The following LTA4H variants were observed in gnomAD, a reference collection of about 807,000 sequenced individuals.
LTA4H encodes the protein leukotriene A-4 hydrolase.
A neutral mutation model predicts 89.8 loss-of-function variants in LTA4H; 59 were observed. The observed-to-expected ratio is 0.66, with a 90% CI of 0.53 to 0.82. The LOEUF (loss-of-function observed/expected upper bound fraction) is 0.82, where lower values mean the gene tolerates loss of function less well. Among genes scored for constraint, LTA4H ranks in the 40% least tolerant of loss-of-function variants. LTA4H has a pLI of 0.00. For synonymous variants in LTA4H, 227 were observed against 253.1 expected (o/e 0.90, Z 0.98); for missense variants, 617 against 727.0 (o/e 0.85, Z 1.74).
intron 1 of LTA4H, among the ~76,000 whole-genome samples, chr12:96,042,592 T>C (rs542568456): frequency 6.6e-6 from 1 of 152,326 alleles, no homozygotes; most frequent in East Asian, 1.9e-4. Flanking sequence ...ACCTTAGTTA[T>C]AGACGGAAAG....
chr12:96,018,510 T>G (rs1359659783), intron 8 of LTA4H, among the ~76,000 whole-genome samples: 1 of 151,704 alleles, frequency 6.6e-6, no homozygotes, highest in Admixed American at 6.6e-5. Flanking sequence ...ATTGTGCCAC[T>G]GCACTCCAAC....
At chr12:96,035,100 G>T (rs1950622902) in intron 1 of LTA4H, among the ~76,000 whole-genome samples, 1 of 152,254 alleles carries the variant, frequency 6.6e-6, no homozygotes, top group Non-Finnish European at 1.5e-5. Context: ...CCAGGCGAGG[G>T]GCGGAGGAGA....
chr12:96,041,986 CTTTTT>C (rs145401712), intron 1 of LTA4H, among the ~76,000 whole-genome samples: 1 of 110,062 alleles, frequency 9.1e-6, no homozygotes, highest in Non-Finnish European at 1.8e-5. Context: ...GTTTTTTTTT[CTTTTT>C]TTTTTTTTTT....
intron 9 of LTA4H, 144 bp downstream of exon 9, chr12:96,017,413 A>G (rs1950394774): frequency 6.0e-6 from 4 of 669,616 alleles, no homozygotes; most frequent in Non-Finnish European, 1.0e-5. Flanking sequence ...TAAATCTATT[A>G]CATCTAATTG....
intron 1 of LTA4H, among the ~76,000 whole-genome samples, chr12:96,041,815 G>A (rs1380597954): frequency 6.6e-6 from 1 of 151,628 alleles, no homozygotes; most frequent in African/African-American, 2.4e-5. Context: ...CTAATTTTTT[G>A]TATTTCTAAT....
At chr12:96,025,609 T>C (rs1305988142) in intron 3 of LTA4H, among the ~76,000 whole-genome samples, 2 of 152,090 alleles carry the variant, frequency 1.3e-5, no homozygotes, top group East Asian at 3.9e-4. Context: ...GATGAGAGGA[T>C]TGCTTGAGCT....
exon 1 of LTA4H, chr12:96,043,342 C>T (rs1950703203): frequency 1.0e-5 from 16 of 1,535,442 alleles, no homozygotes; most frequent in Non-Finnish European, 1.4e-5. Context: ...ATGGTCGGTA[C>T]TTGTCTTTTA....
At chr12:96,036,309 C>A (rs1312208978), upstream of LTA4H, among the ~76,000 whole-genome samples, 26 of 152,116 alleles carry the variant, frequency 1.7e-4, no homozygotes, top group Admixed American at 1.7e-3. Context: ...GCTCTGGGGC[C>A]TTTGTGGCAG....
In LTA4H at chr12:96,022,587, T is replaced by A. The variant is rs1327561743; in HGVS notation, c.481-336A>T. On this transcript the variant is annotated intron_variant, in intron 4 of 18. Transcript: ENST00000228740. The surrounding 1 kb of genome is among the most constrained non-coding windows in gnomAD (Gnocchi z 4.0). ...TTTAAAAGTGAATGTGAAATTTCTA[T>A]CCATTCACCCATGCACATTAAGAGC... Among the ~76,000 whole-genome samples the A allele has an allele frequency of 1.3e-5, 2 of 152,132 alleles. No homozygotes were observed. The highest frequency in any genetic ancestry group is 2.9e-5 in the Non-Finnish European group (2 of 68,028).
chr12:96,003,585 T>C (rs1388062655), intron 17 of LTA4H: 2 of 275,274 alleles, frequency 7.3e-6, no homozygotes, highest in East Asian at 6.4e-5. Flanking sequence ...ACGGAATCCT[T>C]CATTCTAATT....
At chr12:96,011,032 C>A (rs368275073) in intron 14 of LTA4H, 1 of 152,082 alleles carries the variant, frequency 6.6e-6, no homozygotes, top group Admixed American at 6.6e-5. Context: ...CCCGGGCACA[C>A]GAATGATTCC....
intron 6 of LTA4H, among the ~76,000 whole-genome samples, chr12:96,020,272 T>C (rs1250203586): frequency 6.6e-6 from 1 of 152,126 alleles, no homozygotes; most frequent in African/African-American, 2.4e-5. Context: ...AATACTCTTA[T>C]ATAAGAAGAA....
intron 1 of LTA4H, among the ~76,000 whole-genome samples, chr12:96,042,023 A>G (rs1450486798): frequency 1.2e-5 from 1 of 82,520 alleles, no homozygotes; most frequent in South Asian, 3.3e-4. Flanking sequence ...TTGCTTTGTT[A>G]CCCAGGCTGA....
In LTA4H at chr12:96,000,950, A is replaced by T. The variant is rs759776998; in HGVS notation, c.*39T>A. ...TTATATTTCTTTACGAATTCCATTT[A>T]AAAAAGAGAAATCTCTAAAATCATC... is the stretch of plus-strand genomic sequence containing the variant. On this transcript the variant is annotated 3_prime_UTR_variant, in exon 19 of 19. Transcript: ENST00000228740. 4 of 1,337,676 alleles carry T rather than the reference A, an allele frequency of 3.0e-6. No homozygotes were observed. The Admixed American group carries it at 5.2e-5, about 18-fold the overall frequency. 82.9% of individuals were successfully genotyped at this position (1,337,676 alleles called of 1,614,324 possible). A position where few individuals can be genotyped will look rare whatever the true frequency, so the allele number is the denominator to read the frequency against.
rs1318138801 is a variant in LTA4H, at chr12:96,017,097, T to C, written c.894A>G (p.Ile298Met). ...KSLSNVIAHEISHSWTGNLVT... is the reference protein window; with the variant it reads ...KSLSNVIAHEMSHSWTGNLVT... The stretch of plus-strand genomic sequence containing the variant: ...CTAGATTCCCTGTCCAGCTATGAGA[T>C]ATTTCATGTGCAATGACCTAAAGAA... Residue 298 changes from isoleucine (I) to methionine (M), a missense_variant, in exon 10 of 19, where the codon ATA becomes ATG. This residue lies in a region of LTA4H where 172 missense variants were observed against 244.5 expected (regional missense o/e 0.70). Coordinates refer to ENST00000228740, the MANE Select transcript of LTA4H (RefSeq NM_000895.3). 1.2e-6 allele frequency: 2 copies of C among 1,611,066 alleles called. No individual in the cohort carries two copies. Among genetic ancestry groups the C allele is most frequent in the African/African-American group, 2.7e-5 (2 of 74,886 alleles).
At chr12:96,039,797 C>T (rs1305553194), upstream of LTA4H, among the ~76,000 whole-genome samples, 1 of 152,214 alleles carries the variant, frequency 6.6e-6, no homozygotes, top group Non-Finnish European at 1.5e-5. Context: ...TTGTTTTCTC[C>T]CCTTCCTTTA....
At chr12:96,011,184 A>G (rs1950295915) in intron 14 of LTA4H, 1 of 152,160 alleles carries the variant, frequency 6.6e-6, no homozygotes, top group East Asian at 1.9e-4. Context: ...GATTTCCCCA[A>G]TTTTAAAAGC....
Position 96,008,805 on chromosome 12 carries a change from G to C in LTA4H, c.1434+289C>G, listed in dbSNP as rs144252138. The stretch of plus-strand genomic sequence containing the variant: ...ATGGAGGCACATGCCTGTAGTCCCA[G>C]TTACTCGGGAGGCTGAGGTGGGACA... On this transcript the variant is annotated intron_variant, in intron 15 of 18. Transcript: ENST00000228740. Among the ~76,000 whole-genome samples the C allele has an allele frequency of 1.1e-3, 171 of 152,268 alleles. 1 individual carries two copies. The highest frequency in any genetic ancestry group is 3.3e-3 in the African/African-American group (137 of 41,570).
intron 18 of LTA4H, among the ~76,000 whole-genome samples, chr12:96,002,701 C>A (rs1421511097): frequency 6.6e-6 from 1 of 152,148 alleles, no homozygotes; most frequent in Non-Finnish European, 1.5e-5. Context: ...GTATATAAGG[C>A]TATCTTTGAT....
Sources: gnomAD v4.1 joint callset for allele counts (sites outside exome capture counted in the v4.1 genomes callset) on GRCh38, gnomAD v4.1.1 for gene constraint, gnomAD v4.1.1 regional missense constraint, Gnocchi (gnomAD v3.1) non-coding constraint, MANE v1.5 for transcripts, NCBI Gene and HGNC (gene_info 2026-07-23, HGNC 2026-07-21) for gene names.